Variants in MS4A4A observed in about 807,000 individuals in gnomAD.
MS4A4A encodes the protein membrane-spanning 4-domains subfamily A member 4A.
A neutral mutation model predicts 28.0 loss-of-function variants in MS4A4A; 26 were observed. The ratio of observed to expected loss-of-function variants is 0.93; its 90% CI spans 0.68 to 1.29. The LOEUF (loss-of-function observed/expected upper bound fraction) is 1.29, where lower values mean the gene tolerates loss of function less well. Ranked by LOEUF, MS4A4A falls within the 50% of genes most tolerant of loss-of-function variation. MS4A4A has a pLI of 0.00. For synonymous variants in MS4A4A, 86 were observed against 100.8 expected (o/e 0.85, Z 0.88); for missense variants, 290 against 293.1 (o/e 0.99, Z 0.08).
intron 1 of MS4A4A, among the ~76,000 whole-genome samples, chr11:60,291,795 T>C (rs1590753904): frequency 2.6e-5 from 1 of 38,408 alleles, no homozygotes; most frequent in Non-Finnish European, 5.7e-5. Flanking sequence ...AGACTCCATC[T>C]CAAAAAAAAA....
Position 60,292,287 on chromosome 11 carries a change from C to A in MS4A4A, c.104C>A (p.Pro35His). The change falls in exon 2 of 7, where the codon CCT (proline) becomes CAT (histidine). Residue 35 changes from proline to histidine, a missense_variant. Transcript: ENST00000337908. The part of the protein sequence containing the change: ...GMEQAMPGAG[P>H]GVPQLGNMAV... ...GAACAGGCCATGCCAGGGGCTGGCCCTGGTGTGCCCCAGCTGGGAAACATG... is the reference window on the plus strand; with the variant it reads ...GAACAGGCCATGCCAGGGGCTGGCCATGGTGTGCCCCAGCTGGGAAACATG... 2 of 1,607,502 alleles carry A rather than the reference C, an allele frequency of 1.2e-6. No homozygotes were observed. The highest frequency in any genetic ancestry group is 1.7e-6 in the Non-Finnish European group (2 of 1,177,150).
intron 2 of MS4A4A, among the ~76,000 whole-genome samples, chr11:60,294,639 A>G (rs10897025): frequency 0.15 from 22,329 of 152,094 alleles, 1,766 homozygotes; most frequent in South Asian, 0.17. Context: ...TGTGAAAGAT[A>G]TAAGGTATGT....
In MS4A4A at chr11:60,308,191, A is replaced by G. The variant is rs1452238644; in HGVS notation, c.*13A>G. 3 of 1,611,242 alleles carry G rather than the reference A, an allele frequency of 1.9e-6. No individual in the cohort carries two copies. Among genetic ancestry groups the G allele is most frequent in the African/African-American group, 1.3e-5 (1 of 74,880 alleles). The stretch of plus-strand genomic sequence containing the variant: ...TAATGAGGTTTGAGGCCACCAAAAG[A>G]TCAACAGACAAATGCTCCAGAAATC... On this transcript the variant is annotated 3_prime_UTR_variant, in exon 7 of 7. Coordinates refer to ENST00000337908, the MANE Select transcript of MS4A4A (RefSeq NM_148975.3).
intron 1 of MS4A4A, among the ~76,000 whole-genome samples, chr11:60,287,455 T>C (rs1306430147): frequency 6.6e-6 from 1 of 152,218 alleles, no homozygotes; most frequent in Non-Finnish European, 1.5e-5. Context: ...AGAGGTCTCC[T>C]GATGTAATTA....
intron 5 of MS4A4A, among the ~76,000 whole-genome samples, chr11:60,303,600 C>CG (rs967930472): frequency 1.3e-5 from 2 of 151,972 alleles, no homozygotes; most frequent in Admixed American, 1.3e-4. Context: ...CCCAGCTACT[C>CG]GGGGGGCTGA....
At chr11:60,295,955 T>C (rs1488337172) in intron 2 of MS4A4A, among the ~76,000 whole-genome samples, 2 of 152,100 alleles carry the variant, frequency 1.3e-5, no homozygotes, top group Non-Finnish European at 2.9e-5. Context: ...TTTTCTTTTC[T>C]TGTAATGTTT....
At chr11:60,287,402 T>A (rs1199403725) in intron 1 of MS4A4A, among the ~76,000 whole-genome samples, 1 of 152,212 alleles carries the variant, frequency 6.6e-6, no homozygotes, top group East Asian at 1.9e-4. Context: ...CTGTGATAAC[T>A]AACCTTCTCC....
chr11:60,286,946 GTTTC>G (rs1033370364), intron 1 of MS4A4A, among the ~76,000 whole-genome samples: 1 of 152,070 alleles, frequency 6.6e-6, no homozygotes, highest in African/African-American at 2.4e-5. Context: ...GTAGATATTT[GTTTC>G]TTTCTTGTGC....
chr11:60,296,543 T>G (rs1396741171), intron 2 of MS4A4A, among the ~76,000 whole-genome samples: 2 of 152,112 alleles, frequency 1.3e-5, no homozygotes, highest in Non-Finnish European at 2.9e-5. Context: ...TTTTCTAGTT[T>G]CTTAAGGTAG....
chr11:60,308,062 A>T, intron 6 of MS4A4A, 45 bp from the exon 7 acceptor site: 1 of 1,562,936 alleles, frequency 6.4e-7, no homozygotes, highest in Non-Finnish European at 8.8e-7. Context: ...GGGCACTCTG[A>T]GGTGATTTGG....
At chr11:60,284,589 T>G (rs2084787317) in intron 1 of MS4A4A, among the ~76,000 whole-genome samples, 1 of 151,840 alleles carries the variant, frequency 6.6e-6, no homozygotes, top group Non-Finnish European at 1.5e-5. Flanking sequence ...GAGTCAGGAT[T>G]GTCCTCCTTT....
chr11:60,297,301 G>A lies in MS4A4A; in HGVS notation c.306G>A (p.Gly102=), dbSNP rs1415015722. The part of the protein sequence containing the change: ...YGSNPISVYI[G]YTIWGSVMFI... ...GTAACCCTATTTCCGTGTATATCGGGTACACAATTTGGGGGTCAGTAATGG... is the reference window on the plus strand; with the variant it reads ...GTAACCCTATTTCCGTGTATATCGGATACACAATTTGGGGGTCAGTAATGG... Residue 102 remains glycine, a synonymous_variant, in exon 3 of 7, where the codon GGG becomes GGA. Transcript: ENST00000337908. 1 of 1,613,352 alleles carries A rather than the reference G, an allele frequency of 6.2e-7. No homozygotes were observed. The highest frequency in any genetic ancestry group is 1.7e-5 in the Admixed American group (1 of 59,994).
At chr11:60,292,106 T>A in intron 1 of MS4A4A, 119 bp from the exon 2 acceptor site, 1 of 1,256,340 alleles carries the variant, frequency 8.0e-7, no homozygotes. Flanking sequence ...TAACAGCTAT[T>A]ATGATATGGG....
intron 6 of MS4A4A, among the ~76,000 whole-genome samples, chr11:60,307,820 C>T (rs541557573): frequency 1.7e-4 from 26 of 152,198 alleles, no homozygotes; most frequent in Non-Finnish European, 3.4e-4. Context: ...TTCATAACAC[C>T]TTGGTTTACC....
At chr11:60,302,848 G>A (rs2084965731) in intron 5 of MS4A4A, 131 bp downstream of exon 5, 5 of 869,250 alleles carry the variant, frequency 5.8e-6, no homozygotes, top group Non-Finnish European at 8.8e-6. Flanking sequence ...TTGAGAAATA[G>A]AATAATCTTT....
rs906310414 is a variant in MS4A4A at position 60,308,772 on chromosome 11, TAA to T, written c.*597_*598del. ...GCATGTGCACGAGCTATCATTTGAG[TAA>T]AAGTATACATGGAGTAAAAATCATA... On this transcript the variant is annotated 3_prime_UTR_variant, in exon 7 of 7. Coordinates refer to ENST00000337908, the MANE Select transcript of MS4A4A (RefSeq NM_148975.3). The T allele has an allele frequency of 6.6e-6, 1 of 152,176 alleles. No homozygotes were observed. Among genetic ancestry groups the T allele is most frequent in the Non-Finnish European group, 1.5e-5 (1 of 68,054 alleles). The allele number at this position is 152,176 out of a possible 1,614,324, so 9.4% of individuals were successfully genotyped here. A position where few individuals can be genotyped will look rare whatever the true frequency, so the allele number is the denominator to read the frequency against.
intron 1 of MS4A4A, among the ~76,000 whole-genome samples, chr11:60,285,582 A>T (rs537609661): frequency 6.6e-6 from 1 of 152,182 alleles, no homozygotes; most frequent in Non-Finnish European, 1.5e-5. Flanking sequence ...AAAGAGAATG[A>T]GTACAAAAGA....
rs2085022730 is a variant in MS4A4A at position 60,308,240 on chromosome 11, C to T, written c.*62C>T. The stretch of plus-strand genomic sequence containing the variant: ...TCTATGCTGACTGTGACACAAGAGC[C>T]TCACATGAGAAATTACCAGTATCCA... On this transcript the variant is annotated 3_prime_UTR_variant, in exon 7 of 7. Transcript: ENST00000337908. 2.0e-6 allele frequency: 3 copies of T among 1,508,540 alleles called. No homozygotes were observed. The highest frequency in any genetic ancestry group is 1.7e-5 in the Admixed American group (1 of 58,730). The allele number at this position is 1,508,540 out of a possible 1,614,324, so 93.4% of individuals were successfully genotyped here.
In MS4A4A at chr11:60,302,547, A is replaced by G; in HGVS notation, c.388-12A>G. 6.2e-7 allele frequency: 1 copy of G among 1,612,990 alleles called. No homozygotes were observed. The highest frequency in any genetic ancestry group is 1.7e-4 in the Middle Eastern group (1 of 6,056). Reference sequence around the variant, plus strand: ...TTGTTGGATTGTTTAATTGATTTTCATTCCTTTCTAGGTCCGAGGTAGTCT... The same window carrying G: ...TTGTTGGATTGTTTAATTGATTTTCGTTCCTTTCTAGGTCCGAGGTAGTCT... On this transcript the variant is annotated splice_polypyrimidine_tract_variant and intron_variant, in intron 4 of 6. Transcript: ENST00000337908.
Sources: gnomAD v4.1 joint callset for allele counts (sites outside exome capture counted in the v4.1 genomes callset) on GRCh38, gnomAD v4.1.1 for gene constraint, MANE v1.5 for transcripts, NCBI Gene and HGNC (gene_info 2026-07-23, HGNC 2026-07-21) for gene names.